The following TNFRSF10C variants were observed in gnomAD, a reference collection of about 807,000 sequenced individuals.
The protein encoded by TNFRSF10C is TNF receptor superfamily member 10c.
A neutral mutation model predicts 16.7 loss-of-function variants in TNFRSF10C; 17 were observed. That is an observed-to-expected ratio of 1.02 (90% CI 0.70 to 1.53). The LOEUF (loss-of-function observed/expected upper bound fraction) is 1.53. Ranked by LOEUF, TNFRSF10C falls within the 40% of genes most tolerant of loss-of-function variation. The pLI is 0.00. For missense variants in TNFRSF10C, 237 were observed against 329.7 expected, an observed-to-expected ratio of 0.72 and a Z score of 2.18; for synonymous variants, 73 against 119.7, an observed-to-expected ratio of 0.61 and a Z score of 2.55.
At chr8:23,108,562 A>G (rs987582336) in intron 1 of TNFRSF10C, among the ~76,000 whole-genome samples, 9 of 152,202 alleles carry the variant, frequency 5.9e-5, no homozygotes, top group Non-Finnish European at 1.3e-4. Context: ...ATTATGGGAG[A>G]TGAAAAGGGA....
intron 1 of TNFRSF10C, 62 bp downstream of exon 1, chr8:23,103,243 G>C (rs751517273): frequency 6.3e-7 from 1 of 1,578,254 alleles, no homozygotes; most frequent in Non-Finnish European, 8.6e-7. Flanking sequence ...AGGGGGCAGG[G>C]AGACGGGGAC....
chr8:23,114,757 A>G lies in TNFRSF10C; in HGVS notation c.267A>G (p.Thr89=). The G allele has an allele frequency of 1.2e-6, 2 of 1,613,766 alleles. No individual in the cohort carries two copies. Among genetic ancestry groups the G allele is most frequent in the Non-Finnish European group, 8.5e-7 (1 of 1,179,718 alleles). The change falls in exon 3 of 5, where the codon ACA becomes ACG. Residue 89 remains threonine (T), a synonymous_variant. Coordinates refer to ENST00000356864, the MANE Select transcript of TNFRSF10C (RefSeq NM_003841.5). ...ATGAACCTTCTTGCTTCCCATGTACAGTTTGTAAATCAGGTACAGAATGTG... is the reference window on the plus strand; with the variant it reads ...ATGAACCTTCTTGCTTCCCATGTACGGTTTGTAAATCAGGTACAGAATGTG... The part of the protein sequence containing the change: ...SNNEPSCFPC[T]VCKSDQKHKS...
chr8:23,114,922 G>T, intron 3 of TNFRSF10C, 152 bp downstream of exon 3: 1 of 646,568 alleles, frequency 1.5e-6, no homozygotes, highest in Non-Finnish European at 2.7e-6. Context: ...TAAAAAAATA[G>T]AAAGAAATCT....
At chr8:23,109,258 A>G (rs1813834036) in intron 1 of TNFRSF10C, among the ~76,000 whole-genome samples, 1 of 152,152 alleles carries the variant, frequency 6.6e-6, no homozygotes. Flanking sequence ...TGAAGTGTGG[A>G]CTTTAAATGG....
chr8:23,109,803 C>T (rs1466681403), intron 1 of TNFRSF10C, among the ~76,000 whole-genome samples: 1 of 152,006 alleles, frequency 6.6e-6, no homozygotes, highest in Non-Finnish European at 1.5e-5. Context: ...CGGTGGCTTA[C>T]GCCTGTAATC....
At chr8:23,108,258 G>C (rs924352894) in intron 1 of TNFRSF10C, among the ~76,000 whole-genome samples, 1 of 152,116 alleles carries the variant, frequency 6.6e-6, no homozygotes, top group Non-Finnish European at 1.5e-5. Flanking sequence ...GAAACAGTAC[G>C]CAGCCGGACC....
At chr8:23,115,651 A>C in intron 4 of TNFRSF10C, 35 bp downstream of exon 4, 1 of 1,578,776 alleles carries the variant, frequency 6.3e-7, no homozygotes. Flanking sequence ...GACAGCTTTC[A>C]GGAACCCGAG....
At position 23,115,549 on chromosome 8, in the gene TNFRSF10C, G is replaced by C; in HGVS notation, c.322G>C (p.Val108Leu). Residue 108 changes from valine to leucine, a missense_variant, in exon 4 of 5, where the codon GTG becomes CTG. By Grantham distance (32) the Val-to-Leu change is conservative (BLOSUM62 1). Transcript: ENST00000356864. Reference protein sequence around the residue: ...KSSCTMTRDTVCQCKEGTFRN... With the variant: ...KSSCTMTRDTLCQCKEGTFRN... ...TTCCTGCACCATGACCAGAGACACA[G>C]TGTGTCAGTGTAAAGAAGGCACCTT... 2.5e-6 allele frequency: 4 copies of C among 1,613,442 alleles called. No individual in the cohort carries two copies. The highest frequency in any genetic ancestry group is 3.4e-6 in the Non-Finnish European group (4 of 1,179,680).
intron 1 of TNFRSF10C, chr8:23,103,471 G>C (rs1014351109): frequency 3.5e-6 from 2 of 571,394 alleles, no homozygotes; most frequent in Non-Finnish European, 6.3e-6. Context: ...AACCCATAGA[G>C]TGAGCCTCCT....
rs772398109 is a variant in TNFRSF10C at position 23,115,541 on chromosome 8, G to A, written c.314G>A (p.Arg105Lys). 2 of 1,613,342 alleles carry A rather than the reference G, an allele frequency of 1.2e-6. No homozygotes were observed. Among genetic ancestry groups the A allele is most frequent in the Non-Finnish European group, 1.7e-6 (2 of 1,179,612 alleles). Residue 105 changes from arginine to lysine, a missense_variant, in exon 4 of 5, where the codon AGA becomes AAA. Arg to Lys is a conservative substitution (Grantham distance 26). Around this residue, in one of 2 missense-constraint regions of TNFRSF10C, gnomAD observed 212 missense variants for 196.8 expected, o/e 1.08. Coordinates refer to ENST00000356864, the MANE Select transcript of TNFRSF10C (RefSeq NM_003841.5). ...CATAAAAGTTCCTGCACCATGACCAGAGACACAGTGTGTCAGTGTAAAGAA... is the reference window on the plus strand; with the variant it reads ...CATAAAAGTTCCTGCACCATGACCAAAGACACAGTGTGTCAGTGTAAAGAA... ...QKHKSSCTMT[R>K]DTVCQCKEGT...
At chr8:23,109,073 A>G (rs11135699) in intron 1 of TNFRSF10C, among the ~76,000 whole-genome samples, 17,134 of 152,232 alleles carry the variant, frequency 0.11, 1,244 homozygotes, top group East Asian at 0.33. Context: ...GGTGCGAAAT[A>G]GCTAACAGTG....
intron 1 of TNFRSF10C, among the ~76,000 whole-genome samples, chr8:23,109,997 G>C (rs1008462086): frequency 7.3e-6 from 1 of 137,208 alleles, no homozygotes; most frequent in Non-Finnish European, 1.5e-5. Flanking sequence ...AGGAGGCAAA[G>C]GTTGTAGTGA....
chr8:23,116,590 C>CT (rs1285249093), intron 4 of TNFRSF10C, 51 bp from the exon 5 acceptor site: 1 of 1,577,618 alleles, frequency 6.3e-7, no homozygotes, highest in African/African-American at 1.3e-5. Flanking sequence ...TTTATCCCAC[C>CT]TGGCTAGCTT....
chr8:23,103,151 C>G lies in TNFRSF10C; in HGVS notation c.30C>G (p.Phe10Leu). The G allele has an allele frequency of 6.2e-7, 1 of 1,612,236 alleles. No homozygotes were observed. Among genetic ancestry groups the G allele is most frequent in the Non-Finnish European group, 8.5e-7 (1 of 1,179,386 alleles). The change falls in exon 1 of 5, where the codon TTC becomes TTG. Residue 10 changes from phenylalanine (F) to leucine (L), a missense_variant. Transcript: ENST00000356864. The part of the protein sequence containing the change: MARIPKTLK[F>L]VVVIVAVLLP... ...CCCGGATCCCCAAGACCCTAAAGTTCGTCGTCGTCATCGTCGCGGTCCTGC... is the reference window on the plus strand; with the variant it reads ...CCCGGATCCCCAAGACCCTAAAGTTGGTCGTCGTCATCGTCGCGGTCCTGC...
chr8:23,102,921 G>C lies in TNFRSF10C; in HGVS notation c.-201G>C. The C allele has an allele frequency of 6.8e-7, 1 of 1,461,914 alleles. No individual in the cohort carries two copies. The allele number at this position is 1,461,914 out of a possible 1,614,324, so 90.6% of individuals were successfully genotyped here. A position where few individuals can be genotyped will look rare whatever the true frequency, so the allele number is the denominator to read the frequency against. On this transcript the variant is annotated 5_prime_UTR_variant, in exon 1 of 5. Coordinates refer to ENST00000356864, the MANE Select transcript of TNFRSF10C (RefSeq NM_003841.5). The stretch of plus-strand genomic sequence containing the variant: ...TTCAGAGGCGCTGCGCTCCGATTCT[G>C]GCAGTGCAGCTGTGGGAACCTCTCC...
At chr8:23,106,195 G>A (rs1813772147) in intron 1 of TNFRSF10C, among the ~76,000 whole-genome samples, 1 of 112,880 alleles carries the variant, frequency 8.9e-6, no homozygotes, top group African/African-American at 4.4e-5. Flanking sequence ...CCCGCAGTGT[G>A]GTGGGAGAGG....
intron 1 of TNFRSF10C, 72 bp downstream of exon 1, chr8:23,103,253 C>A (rs1813702748): frequency 6.4e-7 from 1 of 1,569,070 alleles, no homozygotes; most frequent in African/African-American, 1.3e-5. Context: ...GAGACGGGGA[C>A]ACGGCAGGGA....
chr8:23,102,980 AT>A lies in TNFRSF10C; in HGVS notation c.-137del. The A allele has an allele frequency of 6.5e-7, 1 of 1,530,626 alleles. No individual in the cohort carries two copies. Among genetic ancestry groups the A allele is most frequent in the Non-Finnish European group, 8.8e-7 (1 of 1,133,380 alleles). 94.8% of individuals were successfully genotyped at this position (1,530,626 alleles called of 1,614,324 possible). On this transcript the variant is annotated 5_prime_UTR_variant, in exon 1 of 5. Coordinates refer to ENST00000356864, the MANE Select transcript of TNFRSF10C (RefSeq NM_003841.5). Reference sequence around the variant, plus strand: ...GAACTCAGCCAACGATTTCTGATAGATTTTTGGGAGTTTGACCAGAGATGCA... The same window carrying A: ...GAACTCAGCCAACGATTTCTGATAGATTTTGGGAGTTTGACCAGAGATGCA...
chr8:23,103,508 A>G (rs1391674298), intron 1 of TNFRSF10C: 11 of 428,598 alleles, frequency 2.6e-5, no homozygotes, highest in Non-Finnish European at 4.7e-5. Context: ...TGCCTCTCTC[A>G]TTAATTAATT....
Sources: allele counts gnomAD v4.1 joint callset (sites outside exome capture counted in the v4.1 genomes callset), GRCh38; gene constraint gnomAD v4.1.1; regional missense constraint gnomAD v4.1.1; transcripts MANE v1.5; gene names NCBI Gene and HGNC (gene_info 2026-07-23, HGNC 2026-07-21).